Variants in PALM observed in about 807,000 individuals in gnomAD.
The protein encoded by PALM is paralemmin-1.
In PALM, 18 loss-of-function variants were observed where a neutral mutation model predicts 30.7. The ratio of observed to expected loss-of-function variants is 0.59; its 90% CI spans 0.41 to 0.87. The LOEUF (loss-of-function observed/expected upper bound fraction) is 0.87, where lower values mean the gene tolerates loss of function less well. Among genes scored for constraint, PALM ranks in the 40% least tolerant of loss-of-function variants. PALM has a pLI of 0.00. For missense variants in PALM, 529 were observed against 555.4 expected (o/e 0.95, Z 0.48); for synonymous variants, 286 against 242.8 (o/e 1.18, Z -1.66).
chr19:713,355 C>T (rs148679299), intron 1 of PALM, among the ~76,000 whole-genome samples: 1 of 152,062 alleles, frequency 6.6e-6, no homozygotes, highest in Non-Finnish European at 1.5e-5. Flanking sequence ...GTCCTGACTC[C>T]CCGTCACACC....
At chr19:745,323 T>C (rs1263792950) in intron 8 of PALM, among the ~76,000 whole-genome samples, 1 of 152,226 alleles carries the variant, frequency 6.6e-6, no homozygotes, top group East Asian at 1.9e-4. Flanking sequence ...CTTTGAACTT[T>C]CATTTTTGCT....
intron 1 of PALM, among the ~76,000 whole-genome samples, chr19:721,360 G>C (rs2032475205): frequency 6.6e-6 from 1 of 152,118 alleles, no homozygotes; most frequent in African/African-American, 2.4e-5. Flanking sequence ...CCACCTCCCG[G>C]GTTCAAGTGA....
chr19:729,481 T>TTTG lies in PALM; in HGVS notation c.270-1613_270-1611dup, dbSNP rs1555689403. On this transcript the variant is annotated intron_variant, in intron 4 of 8. Transcript: ENST00000338448. ...GTCTTTTTTTTTTTTTTTTTTTTTT[T>TTTG]TTGAGAAGGAGTCTCGCTCTGTCGC... is the stretch of plus-strand genomic sequence containing the variant. 3.4e-4 allele frequency among the ~76,000 whole-genome samples: 46 copies of TTTG among 136,558 alleles called. 2 individuals are homozygous for TTTG. The East Asian group carries it at 9.5e-3, about 28-fold the overall frequency. 89.6% of individuals were successfully genotyped at this position (136,558 alleles called of 152,430 possible). A position where few individuals can be genotyped will look rare whatever the true frequency, so the allele number is the denominator to read the frequency against.
intron 7 of PALM, among the ~76,000 whole-genome samples, chr19:736,772 G>A (rs1419968661): frequency 1.3e-5 from 2 of 152,198 alleles, no homozygotes; most frequent in Non-Finnish European, 1.5e-5. Context: ...GCAGAGGGCC[G>A]GGCGTGGTGG....
At position 742,011 on chromosome 19, in the gene PALM, C is replaced by T. The variant is rs2033209650; in HGVS notation, c.634+1528C>T. ...ACAGGCATGAGTCACTGCACCCGGC[C>T]TCTTTTTCTTTTATGAGATATAATT... On this transcript the variant is annotated intron_variant, in intron 8 of 8. Transcript: ENST00000338448. This position sits in a 1 kb window ranked among gnomAD's most constrained non-coding sequence, Gnocchi z 5.5. Among the ~76,000 whole-genome samples the T allele has an allele frequency of 6.6e-6, 1 of 152,154 alleles. No homozygotes were observed. The highest frequency in any genetic ancestry group is 1.5e-5 in the Non-Finnish European group (1 of 68,034).
At chr19:727,237 C>A (rs114422949) in intron 3 of PALM, 149 bp downstream of exon 3, 1 of 516,200 alleles carries the variant, frequency 1.9e-6, no homozygotes, top group African/African-American at 2.9e-5. Flanking sequence ...ACCCTGACCC[C>A]GACCCCGACC....
chr19:717,857 T>C lies in PALM; in HGVS notation c.6-8281T>C, dbSNP rs549930079. Reference sequence around the variant, plus strand: ...TATTGAGCACCTGCTGTATGCCTGGTGCCAGGGACATGGCAGGGACAAAAA... The same window carrying C: ...TATTGAGCACCTGCTGTATGCCTGGCGCCAGGGACATGGCAGGGACAAAAA... On this transcript the variant is annotated intron_variant, in intron 1 of 8. Transcript: ENST00000338448. Among the ~76,000 whole-genome samples, 11 of 152,218 alleles carry C rather than the reference T, an allele frequency of 7.2e-5. No homozygotes were observed. The East Asian group carries it at 2.1e-3, about 29-fold the overall frequency.
rs1210383872 is a variant in PALM at position 740,420 on chromosome 19, A to G, written c.571A>G (p.Thr191Ala). 3 of 1,554,864 alleles carry G rather than the reference A, an allele frequency of 1.9e-6. No individual in the cohort carries two copies. Among genetic ancestry groups the G allele is most frequent in the Non-Finnish European group, 1.7e-6 (2 of 1,149,120 alleles). Reference protein sequence around the residue: ...VTGETRVLSSTTLLPRQPLPL... With the variant: ...VTGETRVLSSATLLPRQPLPL... The stretch of plus-strand genomic sequence containing the variant: ...AGGGGAGACCAGGGTGCTGTCCAGC[A>G]CCACGCTGCTCCCTCGGCAGCCGCT... Residue 191 changes from threonine to alanine, a missense_variant, in exon 8 of 9, where the codon ACC becomes GCC. Transcript: ENST00000338448.
rs1330467550 is a variant in PALM, at chr19:742,098, A to AACCCT, written c.634+1616_634+1617insCCCTA. Among the ~76,000 whole-genome samples the AACCCT allele has an allele frequency of 1.4e-4, 22 of 152,246 alleles. No individual in the cohort carries two copies. Among genetic ancestry groups the AACCCT allele is most frequent in the Non-Finnish European group, 3.1e-4 (21 of 68,010 alleles). On this transcript the variant is annotated intron_variant, in intron 8 of 8. Transcript: ENST00000338448. This position sits in a 1 kb window ranked among gnomAD's most constrained non-coding sequence, Gnocchi z 5.5. ...TCTGGGCCCGGGACATTGAGGCTGC[A>AACCCT]ATGAGCTATGATGGCACCCCTGCAC...
At chr19:717,299 C>A (rs2032296825) in intron 1 of PALM, among the ~76,000 whole-genome samples, 1 of 152,140 alleles carries the variant, frequency 6.6e-6, no homozygotes, top group African/African-American at 2.4e-5. Context: ...CCCCATTAGG[C>A]ATCCCCTCCC....
At position 713,680 on chromosome 19, in the gene PALM, G is replaced by C. The variant is rs969486181; in HGVS notation, c.5+4529G>C. ...AGCAACCTCTGCCTCCTGGGTTCAC[G>C]CGATTCTCATGCCTCAGCCTCCCAA... On this transcript the variant is annotated intron_variant, in intron 1 of 8. Coordinates refer to ENST00000338448, the MANE Select transcript of PALM (RefSeq NM_002579.3). Among the ~76,000 whole-genome samples the C allele has an allele frequency of 3.0e-4, 45 of 152,164 alleles. 1 individual carries two copies. Among genetic ancestry groups the C allele is most frequent in the Admixed American group, 2.8e-3 (42 of 15,256 alleles).
At chr19:737,842 G>T (rs2033068236) in intron 7 of PALM, among the ~76,000 whole-genome samples, 1 of 152,126 alleles carries the variant, frequency 6.6e-6, no homozygotes, top group South Asian at 2.1e-4. Flanking sequence ...TGTGGCAGGG[G>T]CGGGAGGGGA....
chr19:720,479 G>C (rs1206190139), intron 1 of PALM, among the ~76,000 whole-genome samples: 1 of 145,426 alleles, frequency 6.9e-6, no homozygotes, highest in Non-Finnish European at 1.5e-5. Flanking sequence ...GGGGAAAGGC[G>C]AGGGGGCGCC....
chr19:717,920 G>T (rs976166431), intron 1 of PALM, among the ~76,000 whole-genome samples: 2 of 152,142 alleles, frequency 1.3e-5, no homozygotes, highest in Non-Finnish European at 2.9e-5. Flanking sequence ...ACAAGATCAC[G>T]CCTGTAATCC....
At chr19:738,688 G>A (rs2144914165) in intron 7 of PALM, among the ~76,000 whole-genome samples, 1 of 152,262 alleles carries the variant, frequency 6.6e-6, no homozygotes, top group South Asian at 2.1e-4. Flanking sequence ...GGGGATGGGT[G>A]TGCGGGAGAT....
rs1310685395 is a variant in PALM at position 710,654 on chromosome 19, C to G, written c.5+1503C>G. 8.0e-3 allele frequency among the ~76,000 whole-genome samples: 719 copies of G among 90,374 alleles called. 4 individuals carry two copies. The highest frequency in any genetic ancestry group is 0.031 in the African/African-American group (684 of 22,330). 59.3% of individuals were successfully genotyped at this position (90,374 alleles called of 152,430 possible). ...TGAGGCCCAGAGAGGAGCTGCTGCCCCCCCCCCACCCCCCCTCCATCACAC... is the reference window on the plus strand; with the variant it reads ...TGAGGCCCAGAGAGGAGCTGCTGCCGCCCCCCCACCCCCCCTCCATCACAC... On this transcript the variant is annotated intron_variant, in intron 1 of 8. Coordinates refer to ENST00000338448, the MANE Select transcript of PALM (RefSeq NM_002579.3).
chr19:712,605 A>T (rs536559177), intron 1 of PALM, among the ~76,000 whole-genome samples: 2 of 151,446 alleles, frequency 1.3e-5, no homozygotes, highest in Non-Finnish European at 2.9e-5. Flanking sequence ...GGATGGTCTC[A>T]ATCTCCTGAC....
chr19:713,530 G>A lies in PALM; in HGVS notation c.5+4379G>A, dbSNP rs373000931. On this transcript the variant is annotated intron_variant, in intron 1 of 8. Transcript: ENST00000338448. ...CATCTCTGCCTCTGCCCATTAGCCA[G>A]GTTCATCCTTAAGGGCCTCAGATTT... is the stretch of plus-strand genomic sequence containing the variant. Among the ~76,000 whole-genome samples, 7 of 152,332 alleles carry A rather than the reference G, an allele frequency of 4.6e-5. No individual in the cohort carries two copies. The East Asian group carries it at 9.6e-4, about 21-fold the overall frequency.
chr19:737,306 T>C (rs1034260056), intron 7 of PALM, among the ~76,000 whole-genome samples: 3 of 152,172 alleles, frequency 2.0e-5, no homozygotes, highest in African/African-American at 7.2e-5. Flanking sequence ...GCCACTGACT[T>C]TGTGCAGTGC....
Sources: allele counts gnomAD v4.1 joint callset (sites outside exome capture counted in the v4.1 genomes callset), GRCh38; gene constraint gnomAD v4.1.1; non-coding constraint Gnocchi (gnomAD v3.1); transcripts MANE v1.5; gene names NCBI Gene and HGNC (gene_info 2026-07-23, HGNC 2026-07-21).